CADPS2: variants seen among roughly 807,000 people sequenced by gnomAD.
CADPS2 encodes calcium-dependent secretion activator 2.
Under a neutral mutation model 172.5 loss-of-function variants are expected in CADPS2, and 93 were observed. The observed-to-expected ratio is 0.54, with a 90% CI of 0.46 to 0.64. CADPS2 has a LOEUF of 0.64. CADPS2 is among the 30% of genes least tolerant of loss of function. CADPS2 has a pLI of 0.00. For missense variants in CADPS2, 1,420 were observed against 1,565.9 expected, an observed-to-expected ratio of 0.91 and a Z score of 1.57; for synonymous variants, 546 against 555.2, an observed-to-expected ratio of 0.98 and a Z score of 0.23.
intron 1 of CADPS2, among the ~76,000 whole-genome samples, chr7:122,864,762 G>C (rs898729693): frequency 3.9e-5 from 6 of 152,064 alleles, no homozygotes; most frequent in Admixed American, 3.3e-4. Flanking sequence ...TTAAGATATG[G>C]GCCCTAGACT....
chr7:122,689,049 A>G (rs2083991393), intron 2 of CADPS2, among the ~76,000 whole-genome samples: 1 of 152,140 alleles, frequency 6.6e-6, no homozygotes, highest in South Asian at 2.1e-4. Context: ...ACCGGTGCAC[A>G]TAGGGCTGCA....
intron 1 of CADPS2, among the ~76,000 whole-genome samples, chr7:122,833,569 T>G (rs1807303288): frequency 6.6e-6 from 1 of 151,876 alleles, no homozygotes; most frequent in Non-Finnish European, 1.5e-5. Flanking sequence ...TGTTTTTTTG[T>G]AATTTTAGTA....
intron 1 of CADPS2, among the ~76,000 whole-genome samples, chr7:122,784,687 C>T (rs180779165): frequency 6.6e-6 from 1 of 152,126 alleles, no homozygotes; most frequent in African/African-American, 2.4e-5. Context: ...GGTTCTCACA[C>T]TTCATCCTTT....
Position 122,840,604 on chromosome 7 carries a change from T to C in CADPS2, c.339+45395A>G, listed in dbSNP as rs1057372641. Among the ~76,000 whole-genome samples the C allele has an allele frequency of 7.0e-4, 102 of 146,244 alleles. 1 individual carries two copies. Among genetic ancestry groups the C allele is most frequent in the Admixed American group, 4.8e-4 (7 of 14,668 alleles). Reference sequence around the variant, plus strand: ...CAAATCAGCAAGAAAAAACTTAGGGTAGGCCGAATTACCAAAATGTAGCCA... The same window carrying C: ...CAAATCAGCAAGAAAAAACTTAGGGCAGGCCGAATTACCAAAATGTAGCCA... On this transcript the variant is annotated intron_variant, in intron 1 of 29. Coordinates refer to ENST00000449022, the MANE Select transcript of CADPS2 (RefSeq NM_017954.11).
At chr7:122,345,482 G>T in intron 28 of CADPS2, 92 bp downstream of exon 28, 1 of 749,306 alleles carries the variant, frequency 1.3e-6, no homozygotes, top group East Asian at 2.6e-5. Context: ...ACAAAAAGGA[G>T]ACTATGCTTT....
intron 3 of CADPS2, among the ~76,000 whole-genome samples, chr7:122,660,435 G>A (rs1039188688): frequency 1.3e-5 from 2 of 152,020 alleles, no homozygotes; most frequent in Non-Finnish European, 2.9e-5. Flanking sequence ...CATATAAAGT[G>A]TTCAATCAAA....
chr7:122,853,170 C>G (rs1214779055), intron 1 of CADPS2, among the ~76,000 whole-genome samples: 2 of 152,168 alleles, frequency 1.3e-5, no homozygotes, highest in African/African-American at 4.8e-5. Context: ...CAGTCCTAGA[C>G]AGCTGGCTTC....
At chr7:122,770,260 A>C (rs1189642640) in intron 1 of CADPS2, among the ~76,000 whole-genome samples, 3 of 152,152 alleles carry the variant, frequency 2.0e-5, no homozygotes, top group Non-Finnish European at 4.4e-5. Flanking sequence ...TACCCACCCT[A>C]TATCATGCAA....
At chr7:122,731,188 A>C (rs2091606745) in intron 2 of CADPS2, among the ~76,000 whole-genome samples, 1 of 151,726 alleles carries the variant, frequency 6.6e-6, no homozygotes, top group Non-Finnish European at 1.5e-5. Context: ...AAATGAAAAC[A>C]GTAAGAAAAC....
chr7:122,324,697 T>G (rs2033444277), intron 29 of CADPS2, among the ~76,000 whole-genome samples: 1 of 152,160 alleles, frequency 6.6e-6, no homozygotes, highest in South Asian at 2.1e-4. Context: ...GTCTTTTGTT[T>G]AAATAAATAG....
intron 29 of CADPS2, among the ~76,000 whole-genome samples, chr7:122,323,784 A>G (rs2033118373): frequency 6.6e-6 from 1 of 150,928 alleles, no homozygotes; most frequent in South Asian, 2.1e-4. Flanking sequence ...TATCATAAGG[A>G]TAAACAGCTA....
chr7:122,546,300 C>T (rs1340991332), intron 8 of CADPS2, among the ~76,000 whole-genome samples: 2 of 152,038 alleles, frequency 1.3e-5, no homozygotes, highest in East Asian at 3.9e-4. Flanking sequence ...GATATTATAC[C>T]CTATTAACAA....
chr7:122,886,157 G>A lies in CADPS2; in HGVS notation c.181C>T (p.Pro61Ser). The A allele has an allele frequency of 1.3e-6, 2 of 1,533,164 alleles. No homozygotes were observed. Among genetic ancestry groups the A allele is most frequent in the South Asian group, 1.2e-5 (1 of 82,786 alleles). The allele number at this position is 1,533,164 out of a possible 1,614,324, so 95.0% of individuals were successfully genotyped here. A position where few individuals can be genotyped will look rare whatever the true frequency, so the allele number is the denominator to read the frequency against. Residue 61 changes from proline (P) to serine (S), a missense_variant, in exon 1 of 30, where the codon CCC becomes TCC. By Grantham distance (74) the Pro-to-Ser change is moderately conservative (BLOSUM62 -1). Coordinates refer to ENST00000449022, the MANE Select transcript of CADPS2 (RefSeq NM_017954.11). ...GGAARSVSPS[P>S]SVLSEGRDEP... ...TCTCGCCCCTCGCTGAGCACAGAGG[G>A]GCTCGGGCTCACAGATCTGGCCGCG...
chr7:122,714,955 A>G (rs927215621), intron 2 of CADPS2, among the ~76,000 whole-genome samples: 1 of 152,126 alleles, frequency 6.6e-6, no homozygotes, highest in Non-Finnish European at 1.5e-5. Context: ...TAAACGTCAT[A>G]CAGCTATAAG....
intron 1 of CADPS2, among the ~76,000 whole-genome samples, chr7:122,808,241 T>TC (rs1216980379): frequency 4.9e-4 from 46 of 94,292 alleles, no homozygotes; most frequent in African/African-American, 2.0e-3. Context: ...AATGGTGCAG[T>TC]GTGTTGTTAA....
At chr7:122,731,436 C>T (rs1049837646) in intron 2 of CADPS2, among the ~76,000 whole-genome samples, 7 of 151,626 alleles carry the variant, frequency 4.6e-5, no homozygotes, top group South Asian at 4.1e-4. Context: ...ATAAAGTGCA[C>T]CTGAATTCTG....
chr7:122,453,654 A>C (rs925377560), intron 14 of CADPS2, among the ~76,000 whole-genome samples: 1 of 152,192 alleles, frequency 6.6e-6, no homozygotes, highest in Non-Finnish European at 1.5e-5. Context: ...TGGCTTAGCT[A>C]CCTGGCAGAT....
At chr7:122,621,838 C>T (rs2075638139) in intron 4 of CADPS2, 121 bp from the exon 5 acceptor site, 12 of 637,664 alleles carry the variant, frequency 1.9e-5, no homozygotes, top group South Asian at 1.5e-4. Context: ...ATATATCTAT[C>T]CTACTTGAGT....
At chr7:122,413,961 A>C (rs1303543118) in intron 19 of CADPS2, 107 bp downstream of exon 19, 3 of 895,030 alleles carry the variant, frequency 3.4e-6, no homozygotes, top group Non-Finnish European at 5.1e-6. Flanking sequence ...TTTCAAAGAA[A>C]GGACTAATTG....
Sources: allele counts gnomAD v4.1 joint callset (sites outside exome capture counted in the v4.1 genomes callset), GRCh38; gene constraint gnomAD v4.1.1; transcripts MANE v1.5; gene names NCBI Gene and HGNC (gene_info 2026-07-23, HGNC 2026-07-21).